Variants in IGF1R observed in about 807,000 individuals in gnomAD.
IGF1R encodes insulin-like growth factor 1 receptor.
IGF1R carries 44 observed loss-of-function variants against 144.6 expected under a neutral mutation model. The ratio of observed to expected loss-of-function variants is 0.30; its 90% CI spans 0.24 to 0.39. The LOEUF is 0.39. Among genes scored for constraint, IGF1R ranks in the 10% least tolerant of loss-of-function variants. IGF1R has a pLI of 1.00. For missense variants in IGF1R, 1,355 were observed against 1,833.7 expected, an observed-to-expected ratio of 0.74 and a Z score of 4.77; for synonymous variants, 795 against 722.8, an observed-to-expected ratio of 1.10 and a Z score of -1.60.
intron 13 of IGF1R, among the ~76,000 whole-genome samples, chr15:98,926,789 G>A (rs1026875111): frequency 6.6e-6 from 1 of 152,188 alleles, no homozygotes; most frequent in African/African-American, 2.4e-5. Context: ...TGTTTAGGCA[G>A]ATAATTTTGT....
chr15:98,881,735 T>A (rs769816606), intron 2 of IGF1R, among the ~76,000 whole-genome samples: 2 of 152,204 alleles, frequency 1.3e-5, no homozygotes, highest in South Asian at 4.1e-4. Context: ...AGCCCAGGTT[T>A]GCAGTGTAAC....
At chr15:98,776,488 A>G (rs1303500356) in intron 2 of IGF1R, among the ~76,000 whole-genome samples, 2 of 152,130 alleles carry the variant, frequency 1.3e-5, no homozygotes, top group African/African-American at 4.8e-5. Flanking sequence ...GCCCAGCCAG[A>G]TTTTATTTCT....
intron 1 of IGF1R, among the ~76,000 whole-genome samples, chr15:98,684,634 G>A (rs929134437): frequency 6.6e-6 from 1 of 152,120 alleles, no homozygotes; most frequent in African/African-American, 2.4e-5. Flanking sequence ...TCCAGATGAG[G>A]ACAGGGACCT....
intron 2 of IGF1R, among the ~76,000 whole-genome samples, chr15:98,876,489 C>T (rs1337754185): frequency 6.6e-6 from 1 of 152,120 alleles, no homozygotes. Flanking sequence ...TCTGGCAAGG[C>T]TGGTATACTT....
chr15:98,819,122 G>T (rs2056756664), intron 2 of IGF1R, among the ~76,000 whole-genome samples: 1 of 151,898 alleles, frequency 6.6e-6, no homozygotes, highest in African/African-American at 2.4e-5. Context: ...CAGACATCCA[G>T]GGGGGGCAAG....
intron 2 of IGF1R, among the ~76,000 whole-genome samples, chr15:98,755,752 A>C (rs1324273537): frequency 1.1e-5 from 1 of 91,082 alleles, no homozygotes; most frequent in Non-Finnish European, 2.0e-5. Context: ...AAAAAAAAAA[A>C]AGGCATTACT....
intron 2 of IGF1R, among the ~76,000 whole-genome samples, chr15:98,713,882 G>C (rs1002047647): frequency 2.0e-5 from 3 of 152,176 alleles, no homozygotes; most frequent in African/African-American, 7.2e-5. Context: ...CCCTGAGTGC[G>C]TGTGAGAAGG....
At chr15:98,859,892 G>A (rs1386272319) in intron 2 of IGF1R, among the ~76,000 whole-genome samples, 1 of 152,110 alleles carries the variant, frequency 6.6e-6, no homozygotes, top group African/African-American at 2.4e-5. Flanking sequence ...TTGCTTCTTG[G>A]TTTCATGACC....
intron 2 of IGF1R, among the ~76,000 whole-genome samples, chr15:98,885,515 CTCACTTTCGTGAAGT>C (rs554996172): frequency 1.6e-3 from 239 of 152,294 alleles, no homozygotes; most frequent in African/African-American, 5.5e-3. Context: ...GAGGTTGAAG[CTCACTTTCGTGAAGT>C]TAGGAGCGGT....
chr15:98,910,037 C>T (rs1396438808), intron 6 of IGF1R, among the ~76,000 whole-genome samples: 1 of 152,154 alleles, frequency 6.6e-6, no homozygotes, highest in Non-Finnish European at 1.5e-5. Context: ...GACAGACACA[C>T]ATGCAGGGAG....
In IGF1R at chr15:98,935,376, A is replaced by G; in HGVS notation, c.3247A>G (p.Thr1083Ala). 1 of 1,551,640 alleles carries G rather than the reference A, an allele frequency of 6.4e-7. No homozygotes were observed. The highest frequency in any genetic ancestry group is 2.4e-5 in the East Asian group (1 of 40,914). Reference sequence around the variant, plus strand: ...AACACTGGTCATCATGGAACTGATGACACGGGGCGATCTCAAAAGTTATCT... The same window carrying G: ...AACACTGGTCATCATGGAACTGATGGCACGGGGCGATCTCAAAAGTTATCT... The part of the protein sequence containing the change: ...QPTLVIMELM[T>A]RGDLKSYLRS... Residue 1083 changes from threonine to alanine, a missense_variant, in exon 17 of 21, where the codon ACA becomes GCA. Thr to Ala is a moderately conservative substitution (Grantham distance 58). This residue lies in a region of IGF1R where 45 missense variants were observed against 43.5 expected (regional missense o/e 1.03). Coordinates refer to ENST00000650285, the MANE Select transcript of IGF1R (RefSeq NM_000875.5). The surrounding 1 kb of genome is among the most constrained non-coding windows in gnomAD (Gnocchi z 4.2).
chr15:98,915,543 C>G (rs1007186900), intron 8 of IGF1R, among the ~76,000 whole-genome samples: 3 of 152,178 alleles, frequency 2.0e-5, no homozygotes, highest in African/African-American at 7.2e-5. Context: ...ATCAGAGATT[C>G]AAAATCTCAG....
intron 1 of IGF1R, among the ~76,000 whole-genome samples, chr15:98,683,634 C>T (rs2053246682): frequency 1.3e-5 from 2 of 152,166 alleles, no homozygotes; most frequent in African/African-American, 4.8e-5. Context: ...GAATTGCAAT[C>T]AAGTCGGTAT....
In IGF1R at chr15:98,763,401, T is replaced by A. The variant is rs1429057446; in HGVS notation, c.640+55294T>A. On this transcript the variant is annotated intron_variant, in intron 2 of 20. Coordinates refer to ENST00000650285, the MANE Select transcript of IGF1R (RefSeq NM_000875.5). ...ATGACCTGGAGGGCCTTAGTTTGTT[T>A]GCTTGTTTGATTTTAGCAACAGTCA... is the stretch of plus-strand genomic sequence containing the variant. 2.0e-5 allele frequency among the ~76,000 whole-genome samples: 3 copies of A among 152,192 alleles called. No homozygotes were observed. The East Asian group carries it at 5.8e-4, about 29-fold the overall frequency.
rs374647567 is a variant in IGF1R, at chr15:98,716,541, T to C, written c.640+8434T>C. Among the ~76,000 whole-genome samples the C allele has an allele frequency of 8.5e-5, 13 of 152,346 alleles. No homozygotes were observed. The East Asian group carries it at 1.2e-3, about 14-fold the overall frequency. ...TCTGTACCTGCCACTGGCTAACATA[T>C]GGCTTTAAGCTGGATGTTACAATGA... On this transcript the variant is annotated intron_variant, in intron 2 of 20. Coordinates refer to ENST00000650285, the MANE Select transcript of IGF1R (RefSeq NM_000875.5).
intron 1 of IGF1R, among the ~76,000 whole-genome samples, chr15:98,655,052 A>G (rs1026180403): frequency 5.9e-5 from 9 of 152,202 alleles, no homozygotes; most frequent in Admixed American, 1.3e-4. Context: ...GAGTTCCACT[A>G]TTTGAAAAGA....
chr15:98,758,582 G>GC (rs1425413133), intron 2 of IGF1R, among the ~76,000 whole-genome samples: 3 of 152,218 alleles, frequency 2.0e-5, no homozygotes, highest in East Asian at 1.9e-4. Flanking sequence ...TTCCATGGAA[G>GC]CCCCCCTTCC....
intron 9 of IGF1R, 59 bp downstream of exon 9, chr15:98,916,190 T>C: frequency 4.6e-6 from 7 of 1,534,390 alleles, no homozygotes; most frequent in Non-Finnish European, 6.3e-6. Flanking sequence ...GTGGTTGTAA[T>C]GTGCCTGAGC....
rs45598038 is a variant in IGF1R at position 98,948,640 on chromosome 15, C to T, written c.3654C>T (p.Asn1218=). 8.1e-6 allele frequency: 13 copies of T among 1,614,142 alleles called. No individual in the cohort carries two copies. The highest frequency in any genetic ancestry group is 6.7e-5 in the East Asian group (3 of 44,874). Residue 1218 remains asparagine, a synonymous_variant, in exon 20 of 21, where the codon AAC becomes AAT. Transcript: ENST00000650285. Reference sequence around the variant, plus strand: ...AGCAGCCCTACCAGGGCTTGTCCAACGAGCAAGTCCTTCGCTTCGTCATGG... The same window carrying T: ...AGCAGCCCTACCAGGGCTTGTCCAATGAGCAAGTCCTTCGCTTCGTCATGG... ...LAEQPYQGLS[N]EQVLRFVMEG...
Sources: gnomAD v4.1 joint callset for allele counts (sites outside exome capture counted in the v4.1 genomes callset) on GRCh38, gnomAD v4.1.1 for gene constraint, gnomAD v4.1.1 regional missense constraint, Gnocchi (gnomAD v3.1) non-coding constraint, MANE v1.5 for transcripts, NCBI Gene and HGNC (gene_info 2026-07-23, HGNC 2026-07-21) for gene names.